Variants in P2RY8 observed in about 807,000 individuals in gnomAD.
The protein encoded by P2RY8 is S-geranylgeranyl-glutathione receptor P2RY8.
In P2RY8, 6 loss-of-function variants were observed where a neutral mutation model predicts 10.0. The observed-to-expected ratio is 0.60, with a 90% CI of 0.33 to 1.19. P2RY8 has a LOEUF of 1.19. Among genes scored for constraint, P2RY8 ranks in the 50% most tolerant of loss-of-function variants. The pLI is 0.04. For synonymous variants in P2RY8, 276 were observed against 252.5 expected (o/e 1.09, Z -0.88); for missense variants, 456 against 542.0 (o/e 0.84, Z 1.58).
intron 1 of P2RY8, among the ~76,000 whole-genome samples, chrX:1,495,072 T>A (rs2092103088): frequency 6.6e-6 from 1 of 152,132 alleles, no homozygotes; most frequent in Non-Finnish European, 1.5e-5. Flanking sequence ...TAAGACAGTT[T>A]TTTATTTGGA....
intron 1 of P2RY8, among the ~76,000 whole-genome samples, chrX:1,516,894 C>T (rs1487202515): frequency 1.3e-5 from 2 of 150,674 alleles, no homozygotes; most frequent in East Asian, 4.0e-4. Flanking sequence ...AGACTTCCAG[C>T]CTCCAGGGCT....
intron 1 of P2RY8, among the ~76,000 whole-genome samples, chrX:1,518,530 G>T (rs2092368327): frequency 1.3e-5 from 2 of 150,568 alleles, no homozygotes; most frequent in Non-Finnish European, 3.0e-5. Context: ...TTCCCCAAAA[G>T]CTCCCTAGTC....
rs1353599503 is a variant in P2RY8 at position 1,531,073 on chromosome X, T to TCTAC, written c.-25+5847_-25+5848insGTAG. Reference sequence around the variant, plus strand: ...ATCTATCTGTCTGTCTGTCTGTCTATCTATCTATCTATCTATCTATCTATC... The same window carrying TCTAC: ...ATCTATCTGTCTGTCTGTCTGTCTATCTACCTATCTATCTATCTATCTATCTATC... On this transcript the variant is annotated intron_variant, in intron 1 of 1. Coordinates refer to ENST00000381297, the MANE Select transcript of P2RY8 (RefSeq NM_178129.5). Among the ~76,000 whole-genome samples, 880 of 144,636 alleles carry TCTAC rather than the reference T, an allele frequency of 6.1e-3. 11 individuals are homozygous for TCTAC. Among genetic ancestry groups the TCTAC allele is most frequent in the African/African-American group, 0.023 (836 of 36,452 alleles). The allele number at this position is 144,636 out of a possible 152,430, so 94.9% of individuals were successfully genotyped here. A position where few individuals can be genotyped will look rare whatever the true frequency, so the allele number is the denominator to read the frequency against.
At chrX:1,524,644 T>C (rs1284748737) in intron 1 of P2RY8, among the ~76,000 whole-genome samples, 3 of 43,868 alleles carry the variant, frequency 6.8e-5, no homozygotes, top group Non-Finnish European at 1.4e-4. Flanking sequence ...CATCCATCCA[T>C]ACATCCATCC....
At chrX:1,483,361 G>A (rs1346956717) in intron 1 of P2RY8, among the ~76,000 whole-genome samples, 7 of 151,564 alleles carry the variant, frequency 4.6e-5, no homozygotes, top group South Asian at 2.1e-4. Flanking sequence ...GGAGCCAGGC[G>A]TGGTGGCTCA....
intron 1 of P2RY8, among the ~76,000 whole-genome samples, chrX:1,487,966 C>T (rs1250005348): frequency 2.0e-5 from 3 of 152,084 alleles, no homozygotes; most frequent in Non-Finnish European, 4.4e-5. Context: ...AAAAATTAGC[C>T]AGGCGTGGTG....
chrX:1,501,620 G>A (rs1427865608), intron 1 of P2RY8, among the ~76,000 whole-genome samples: 1 of 151,892 alleles, frequency 6.6e-6, no homozygotes, highest in East Asian at 1.9e-4. Flanking sequence ...TTGAGACAAA[G>A]TTTCACTCTG....
intron 1 of P2RY8, among the ~76,000 whole-genome samples, chrX:1,528,532 G>A (rs1285770916): frequency 6.6e-6 from 1 of 152,248 alleles, no homozygotes; most frequent in Non-Finnish European, 1.5e-5. Flanking sequence ...AGGGAAGCCC[G>A]GAGGAGCAAG....
chrX:1,511,452 G>C (rs1272783447), intron 1 of P2RY8, among the ~76,000 whole-genome samples: 1 of 152,190 alleles, frequency 6.6e-6, no homozygotes, highest in African/African-American at 2.4e-5. Flanking sequence ...GTTTCTGCCA[G>C]AGGCTACATT....
rs527900056 is a variant in P2RY8, at chrX:1,523,078, AAAATAAAT to A, written c.-25+13835_-25+13842del. Among the ~76,000 whole-genome samples the A allele has an allele frequency of 3.6e-3, 482 of 134,850 alleles. 2 individuals carry two copies. Among genetic ancestry groups the A allele is most frequent in the African/African-American group, 8.2e-3 (296 of 36,278 alleles). The allele number at this position is 134,850 out of a possible 152,430, so 88.5% of individuals were successfully genotyped here. A position where few individuals can be genotyped will look rare whatever the true frequency, so the allele number is the denominator to read the frequency against. On this transcript the variant is annotated intron_variant, in intron 1 of 1. Coordinates refer to ENST00000381297, the MANE Select transcript of P2RY8 (RefSeq NM_178129.5). The stretch of plus-strand genomic sequence containing the variant: ...AGAGAGACTCCATCCCCCACTGCCA[AAAATAAAT>A]AAATAAATAAATAAATAAATAAATA...
chrX:1,494,594 T>C (rs1275769815), intron 1 of P2RY8, among the ~76,000 whole-genome samples: 1 of 152,138 alleles, frequency 6.6e-6, no homozygotes, highest in Non-Finnish European at 1.5e-5. Flanking sequence ...GAAGGGTTAG[T>C]TTAGGATTAG....
intron 1 of P2RY8, among the ~76,000 whole-genome samples, chrX:1,535,021 C>G (rs1299807892): frequency 6.6e-6 from 1 of 151,868 alleles, no homozygotes; most frequent in African/African-American, 2.4e-5. Flanking sequence ...CCGTCCCGTA[C>G]GTCCCATGCA....
intron 1 of P2RY8, among the ~76,000 whole-genome samples, chrX:1,493,196 G>C (rs1278808419): frequency 1.3e-5 from 2 of 150,542 alleles, no homozygotes; most frequent in Non-Finnish European, 3.0e-5. Flanking sequence ...GCTGAGGCAG[G>C]AGAATCACTT....
chrX:1,500,005 T>C (rs182000724), intron 1 of P2RY8, among the ~76,000 whole-genome samples: 2 of 34,202 alleles, frequency 5.8e-5, no homozygotes, highest in South Asian at 2.3e-3. Context: ...ACTACAGGCG[T>C]GTACCACCAT....
At chrX:1,509,699 TCCATC>T (rs1569538144) in intron 1 of P2RY8, among the ~76,000 whole-genome samples, 1 of 127,504 alleles carries the variant, frequency 7.8e-6, no homozygotes, top group South Asian at 2.4e-4. Context: ...CATCCATCCA[TCCATC>T]CATTTATTCT....
At chrX:1,506,033 C>T (rs2092229743) in intron 1 of P2RY8, among the ~76,000 whole-genome samples, 1 of 146,202 alleles carries the variant, frequency 6.8e-6, no homozygotes, top group Non-Finnish European at 1.5e-5. Flanking sequence ...CACTCCGTCA[C>T]CCAGGCTGGA....
chrX:1,520,152 G>T (rs1252429069), intron 1 of P2RY8, among the ~76,000 whole-genome samples: 84 of 148,956 alleles, frequency 5.6e-4, no homozygotes, highest in Non-Finnish European at 1.1e-3. Flanking sequence ...AATCTCTGTG[G>T]TCCCCAATAT....
chrX:1,482,069 GTA>G lies in P2RY8; in HGVS notation c.-24-15489_-24-15488del, dbSNP rs1440402756. On this transcript the variant is annotated intron_variant, in intron 1 of 1. Coordinates refer to ENST00000381297, the MANE Select transcript of P2RY8 (RefSeq NM_178129.5). ...CTGATTTCTGTATCTCATTCTCAGA[GTA>G]TATAGCACGGGGCTTCATCGCTGGC... is the stretch of plus-strand genomic sequence containing the variant. Among the ~76,000 whole-genome samples the G allele has an allele frequency of 2.6e-5, 4 of 152,108 alleles. No individual in the cohort carries two copies. The East Asian group carries it at 7.7e-4, about 29-fold the overall frequency.
intron 1 of P2RY8, among the ~76,000 whole-genome samples, chrX:1,503,328 G>A (rs1230969965): frequency 1.3e-5 from 2 of 152,202 alleles, no homozygotes; most frequent in Non-Finnish European, 2.9e-5. Flanking sequence ...TCCCCAGTTT[G>A]TGGCATTTTT....
Sources: gnomAD v4.1 joint callset for allele counts (sites outside exome capture counted in the v4.1 genomes callset) on GRCh38, gnomAD v4.1.1 for gene constraint, MANE v1.5 for transcripts, NCBI Gene and HGNC (gene_info 2026-07-23, HGNC 2026-07-21) for gene names.